The following RAPGEF2 variants were observed in gnomAD, a reference collection of about 807,000 sequenced individuals.
The protein encoded by RAPGEF2 is Rap guanine nucleotide exchange factor 2, also known as PDZ domain containing guanine nucleotide exchange factor (GEF) 1.
Under a neutral mutation model 186.7 loss-of-function variants are expected in RAPGEF2, and 54 were observed. That is an observed-to-expected ratio of 0.29 (90% CI 0.23 to 0.36). The LOEUF is 0.36. Among genes scored for constraint, RAPGEF2 ranks in the 10% least tolerant of loss-of-function variants. The pLI is 1.00. For synonymous variants in RAPGEF2, 712 were observed against 705.9 expected (o/e 1.01, Z -0.14); for missense variants, 1,532 against 2,045.0 (o/e 0.75, Z 4.84).
Position 159,322,397 on chromosome 4 carries a change from A to G in RAPGEF2, c.904A>G (p.Met302Val). 1 of 1,613,948 alleles carries G rather than the reference A, an allele frequency of 6.2e-7. No individual in the cohort carries two copies. ...GTTGCCTGCTTTTGCCAATATGACA[A>G]TGTCAGTGAGGCGAGAACTCTGTGC... ...HQLPAFANMT[M>V]SVRRELCAVM... The change falls in exon 10 of 30, where the codon ATG (methionine) becomes GTG (valine). Residue 302 changes from methionine (M) to valine (V), a missense_variant. Met to Val is a conservative substitution (Grantham distance 21). Transcript: ENST00000691494.
intron 1 of RAPGEF2, among the ~76,000 whole-genome samples, chr4:159,175,898 A>G (rs1746404984): frequency 6.6e-6 from 1 of 152,178 alleles, no homozygotes; most frequent in South Asian, 2.1e-4. Flanking sequence ...CACCCAGCAC[A>G]TCCACCGTTC....
chr4:159,331,607 C>T (rs949892067), intron 14 of RAPGEF2, 23 bp from the exon 15 acceptor site: 1 of 1,613,176 alleles, frequency 6.2e-7, no homozygotes, highest in Non-Finnish European at 8.5e-7. Context: ...TGAGTTGACA[C>T]TACTGTTTCT....
chr4:159,106,661 G>A (rs1277330281), intron 1 of RAPGEF2, among the ~76,000 whole-genome samples: 3 of 152,178 alleles, frequency 2.0e-5, no homozygotes, highest in Non-Finnish European at 2.9e-5. Flanking sequence ...CATGATTCTC[G>A]TTATAGGCAA....
chr4:159,341,768 C>T lies in RAPGEF2; in HGVS notation c.2739C>T (p.Thr913=). 1 of 1,613,952 alleles carries T rather than the reference C, an allele frequency of 6.2e-7. No homozygotes were observed. The highest frequency in any genetic ancestry group is 1.3e-5 in the African/African-American group (1 of 75,020). The change falls in exon 20 of 30, where the codon ACC becomes ACT. Residue 913 remains threonine (T), a synonymous_variant. Coordinates refer to ENST00000691494, the MANE Select transcript of RAPGEF2 (RefSeq NM_001394067.2). ...ATTTATTTAAACTCAGATCAAAAACCAGCTGTGCCAACCTGAAGAGATTTG... is the reference window on the plus strand; with the variant it reads ...ATTTATTTAAACTCAGATCAAAAACTAGCTGTGCCAACCTGAAGAGATTTG... ...IDDLFKLRSK[T]SCANLKRFEE... is the part of the protein sequence containing the mutation.
intron 9 of RAPGEF2, among the ~76,000 whole-genome samples, chr4:159,317,966 CT>C (rs565397903): frequency 4.3e-4 from 66 of 152,084 alleles, no homozygotes; most frequent in Admixed American, 3.9e-3. Context: ...AAATTTAAGA[CT>C]TTCAGTTGAT....
chr4:159,262,124 A>G (rs1013975577), intron 7 of RAPGEF2, among the ~76,000 whole-genome samples: 2 of 152,206 alleles, frequency 1.3e-5, no homozygotes, highest in African/African-American at 4.8e-5. Context: ...TCACTTATGC[A>G]TTCATTCTTT....
At chr4:159,325,108 C>T (rs1443692338) in intron 11 of RAPGEF2, among the ~76,000 whole-genome samples, 1 of 151,994 alleles carries the variant, frequency 6.6e-6, no homozygotes, top group South Asian at 2.1e-4. Flanking sequence ...ATGACCATGG[C>T]TATACATAAA....
At chr4:159,322,611 G>T in intron 10 of RAPGEF2, 128 bp downstream of exon 10, 1 of 707,964 alleles carries the variant, frequency 1.4e-6, no homozygotes, top group Non-Finnish European at 2.4e-6. Context: ...AATAATTCAA[G>T]AATTATGGTA....
intron 4 of RAPGEF2, among the ~76,000 whole-genome samples, chr4:159,217,716 C>A (rs2111392484): frequency 6.6e-6 from 1 of 152,278 alleles, no homozygotes; most frequent in South Asian, 2.1e-4. Flanking sequence ...ATTTTTATTT[C>A]TTTGAGAAAT....
intron 1 of RAPGEF2, among the ~76,000 whole-genome samples, chr4:159,163,325 G>T (rs187473861): frequency 4.6e-5 from 7 of 152,314 alleles, no homozygotes; most frequent in Admixed American, 3.9e-4. Flanking sequence ...CATAATGAGA[G>T]ATGATCATGG....
intron 8 of RAPGEF2, among the ~76,000 whole-genome samples, chr4:159,309,313 CGCCAATT>C (rs1763682941): frequency 6.6e-6 from 1 of 152,116 alleles, no homozygotes; most frequent in Non-Finnish European, 1.5e-5. Flanking sequence ...CCTTCCTAGA[CGCCAATT>C]GAACCAATTA....
At chr4:159,131,369 C>G (rs1276680375) in intron 1 of RAPGEF2, among the ~76,000 whole-genome samples, 1 of 152,132 alleles carries the variant, frequency 6.6e-6, no homozygotes, top group Non-Finnish European at 1.5e-5. Context: ...CTTGGCCTCC[C>G]AAAGTGCTGG....
At chr4:159,331,599 A>T in intron 14 of RAPGEF2, 31 bp from the exon 15 acceptor site, 1 of 1,612,446 alleles carries the variant, frequency 6.2e-7, no homozygotes, top group East Asian at 2.2e-5. Context: ...CCTGTTCTTG[A>T]GTTGACACTA....
intron 1 of RAPGEF2, among the ~76,000 whole-genome samples, chr4:159,108,379 CTTTCT>C (rs1246058022): frequency 1.6e-5 from 2 of 127,088 alleles, no homozygotes; most frequent in African/African-American, 5.7e-5. Flanking sequence ...TTTCACAGAA[CTTTCT>C]TTTTTTTTTT....
chr4:159,134,905 G>A (rs1033415119), intron 1 of RAPGEF2, among the ~76,000 whole-genome samples: 44 of 152,156 alleles, frequency 2.9e-4, no homozygotes, highest in African/African-American at 1.0e-3. Flanking sequence ...TTTACTGTCT[G>A]TCTATGTGTT....
chr4:159,239,060 T>C (rs1252647353), intron 5 of RAPGEF2, among the ~76,000 whole-genome samples, 176 bp downstream of exon 5: 1 of 152,182 alleles, frequency 6.6e-6, no homozygotes, highest in African/African-American at 2.4e-5. Context: ...TTCATAATCA[T>C]ATTTTATTAT....
intron 7 of RAPGEF2, among the ~76,000 whole-genome samples, chr4:159,296,793 T>A (rs1762081972): frequency 6.6e-6 from 1 of 152,206 alleles, no homozygotes; most frequent in Non-Finnish European, 1.5e-5. Context: ...GATCATGCAG[T>A]TTCTCATCAC....
chr4:159,213,944 T>C (rs1750760637), intron 4 of RAPGEF2, among the ~76,000 whole-genome samples: 2 of 152,248 alleles, frequency 1.3e-5, no homozygotes, highest in South Asian at 2.1e-4. Flanking sequence ...TAATGCCATG[T>C]ATTTTATGTT....
intron 1 of RAPGEF2, among the ~76,000 whole-genome samples, chr4:159,179,475 A>C (rs191284202): frequency 1.3e-5 from 2 of 152,224 alleles, no homozygotes; most frequent in African/African-American, 4.8e-5. Flanking sequence ...TTCTTTGTGC[A>C]TCTTAAGAGA....
Sources: gnomAD v4.1 joint callset for allele counts (sites outside exome capture counted in the v4.1 genomes callset) on GRCh38, gnomAD v4.1.1 for gene constraint, MANE v1.5 for transcripts, NCBI Gene and HGNC (gene_info 2026-07-23, HGNC 2026-07-21) for gene names.